FRMD4A: variants seen among roughly 807,000 people sequenced by gnomAD.
The protein encoded by FRMD4A is FERM domain-containing protein 4A.
In FRMD4A, 29 loss-of-function variants were observed where a neutral mutation model predicts 129.1. The ratio of observed to expected loss-of-function variants is 0.22; its 90% CI spans 0.17 to 0.31. The LOEUF (loss-of-function observed/expected upper bound fraction) is 0.31. Among genes scored for constraint, FRMD4A ranks in the 10% least tolerant of loss-of-function variants. The probability of loss-of-function intolerance (pLI) is 1.00; values close to 1 mark genes in which losing one functional copy is unlikely to be tolerated. For synonymous variants in FRMD4A, 634 were observed against 571.6 expected (o/e 1.11, Z -1.56); for missense variants, 1,272 against 1,375.8 (o/e 0.92, Z 1.19).
At chr10:14,062,293 C>T (rs958594377) in intron 2 of FRMD4A, among the ~76,000 whole-genome samples, 2 of 152,112 alleles carry the variant, frequency 1.3e-5, no homozygotes, top group African/African-American at 4.8e-5. Flanking sequence ...CAAAAGGGCA[C>T]ATACAGGTAG....
At chr10:14,306,317 G>A (rs780144718) in intron 2 of FRMD4A, among the ~76,000 whole-genome samples, 14 of 152,064 alleles carry the variant, frequency 9.2e-5, no homozygotes, top group Non-Finnish European at 1.6e-4. Context: ...AGGAAGGAAC[G>A]GTGAAACGCC....
chr10:14,125,940 G>C (rs1281644432), intron 2 of FRMD4A, among the ~76,000 whole-genome samples: 2 of 151,454 alleles, frequency 1.3e-5, no homozygotes, highest in East Asian at 3.9e-4. Context: ...GCAAACAAAA[G>C]GCTGAGATGA....
chr10:13,758,413 A>G (rs2091944141), intron 8 of FRMD4A, among the ~76,000 whole-genome samples: 1 of 152,250 alleles, frequency 6.6e-6, no homozygotes, highest in Admixed American at 6.5e-5. Context: ...TCAGGAAAAC[A>G]TATCTACAGT....
intron 2 of FRMD4A, among the ~76,000 whole-genome samples, chr10:14,267,841 C>T (rs1845030234): frequency 6.6e-6 from 1 of 152,140 alleles, no homozygotes; most frequent in South Asian, 2.1e-4. Context: ...ATCTAGATAC[C>T]TAATCACTCT....
In FRMD4A at chr10:13,816,236, AG is replaced by A. The variant is rs768423178; in HGVS notation, c.112-5329del. Among the ~76,000 whole-genome samples the A allele has an allele frequency of 7.0e-4, 107 of 152,362 alleles. 1 individual carries two copies. Among genetic ancestry groups the A allele is most frequent in the Middle Eastern group, 6.8e-3 (2 of 294 alleles). On this transcript the variant is annotated intron_variant, in intron 3 of 24. Coordinates refer to ENST00000357447, the MANE Select transcript of FRMD4A (RefSeq NM_018027.5). ...AAATGGAGAAGTAAAGGCCGTGAAG[AG>A]GGAGAAAATAGATCCCAGAAGATGT... is the stretch of plus-strand genomic sequence containing the variant.
At position 13,656,838 on chromosome 10, in the gene FRMD4A, C is replaced by T. The variant is rs775699436; in HGVS notation, c.2751G>A (p.Lys917=). 1 of 1,527,728 alleles carries T rather than the reference C, an allele frequency of 6.5e-7. No homozygotes were observed. Among genetic ancestry groups the T allele is most frequent in the Non-Finnish European group, 8.8e-7 (1 of 1,141,212 alleles). 94.6% of individuals were successfully genotyped at this position (1,527,728 alleles called of 1,614,324 possible). A position where few individuals can be genotyped will look rare whatever the true frequency, so the allele number is the denominator to read the frequency against. Residue 917 remains lysine (K), a synonymous_variant, in exon 22 of 25, where the codon AAG becomes AAA. Coordinates refer to ENST00000357447, the MANE Select transcript of FRMD4A (RefSeq NM_018027.5). ...PSLGREGAHD[K]GAGRAAVSDE... is the part of the protein sequence containing the mutation. ...CTGAGACGGCGGCACGGCCCGCGCC[C>T]TTGTCGTGGGCGCCCTCGCGGCCCA...
intron 3 of FRMD4A, among the ~76,000 whole-genome samples, chr10:13,831,203 C>T (rs1162867330): frequency 1.3e-5 from 2 of 152,160 alleles, no homozygotes; most frequent in African/African-American, 2.4e-5. Context: ...AGTTTTAGAC[C>T]AAACGCAATG....
intron 2 of FRMD4A, among the ~76,000 whole-genome samples, chr10:14,121,804 C>G (rs529795798): frequency 6.6e-6 from 1 of 152,176 alleles, no homozygotes; most frequent in African/African-American, 2.4e-5. Flanking sequence ...GGGGCCATTC[C>G]GGCTGGCTTT....
intron 2 of FRMD4A, among the ~76,000 whole-genome samples, chr10:14,313,197 A>G (rs1190333849): frequency 6.6e-6 from 1 of 151,872 alleles, no homozygotes; most frequent in Non-Finnish European, 1.5e-5. Flanking sequence ...TACCAAAAAA[A>G]AAAAATTTTT....
intron 2 of FRMD4A, among the ~76,000 whole-genome samples, chr10:14,039,272 A>G (rs1226021061): frequency 3.9e-5 from 6 of 152,174 alleles, no homozygotes; most frequent in African/African-American, 1.4e-4. Context: ...GGTAGATGCC[A>G]TATATACTAT....
At chr10:14,167,538 CAAAAAA>C (rs59290414) in intron 2 of FRMD4A, among the ~76,000 whole-genome samples, 18 of 57,574 alleles carry the variant, frequency 3.1e-4, no homozygotes, top group Admixed American at 7.9e-4. Flanking sequence ...CTCCGTCTCT[CAAAAAA>C]AAAAAAAAAA....
intron 2 of FRMD4A, among the ~76,000 whole-genome samples, chr10:14,069,699 T>C (rs565161617): frequency 6.6e-6 from 1 of 152,346 alleles, no homozygotes; most frequent in East Asian, 1.9e-4. Context: ...TACTTAATAA[T>C]ATGATTTACT....
At chr10:13,779,371 G>A (rs898001966) in intron 6 of FRMD4A, among the ~76,000 whole-genome samples, 2 of 151,572 alleles carry the variant, frequency 1.3e-5, no homozygotes, top group African/African-American at 4.8e-5. Flanking sequence ...TGACAACCAA[G>A]AGAAAATTCC....
At chr10:13,647,979 G>A (rs1408442734) in intron 24 of FRMD4A, 1 of 151,884 alleles carries the variant, frequency 6.6e-6, no homozygotes, top group Non-Finnish European at 1.5e-5. Flanking sequence ...ACCCAAAGTA[G>A]TTCAGAGCGG....
In FRMD4A at chr10:14,107,797, T is replaced by A. The variant is rs553016316; in HGVS notation, c.45+222261A>T. ...AGTTGCTCATTTCTTTTTAGAGTTA[T>A]GCGATATTCTTTCATGCGGCTGGAC... On this transcript the variant is annotated intron_variant, in intron 2 of 24. Coordinates refer to ENST00000357447, the MANE Select transcript of FRMD4A (RefSeq NM_018027.5). Among the ~76,000 whole-genome samples the A allele has an allele frequency of 3.3e-4, 50 of 152,334 alleles. No homozygotes were observed. The South Asian group carries it at 9.5e-3, about 29-fold the overall frequency.
At position 14,010,958 on chromosome 10, in the gene FRMD4A, T is replaced by C. The variant is rs181672689; in HGVS notation, c.46-152046A>G. On this transcript the variant is annotated intron_variant, in intron 2 of 24. Transcript: ENST00000357447. ...CATTGGCAGGCCATGTGCTGTGAGG[T>C]TATCAAAGGCTACTTCCATGGAGGA... 6.0e-4 allele frequency among the ~76,000 whole-genome samples: 91 copies of C among 152,298 alleles called. 1 individual carries two copies. The highest frequency in any genetic ancestry group is 2.0e-3 in the African/African-American group (83 of 41,568).
At chr10:13,689,216 GGGGGA>G (rs1343325484) in intron 15 of FRMD4A, among the ~76,000 whole-genome samples, 10 of 75,456 alleles carry the variant, frequency 1.3e-4, no homozygotes, top group East Asian at 1.2e-3. Flanking sequence ...GGGGGGGGGG[GGGGGA>G]GGGCTATAAC....
Position 13,956,893 on chromosome 10 carries a change from A to G in FRMD4A, c.46-97981T>C, listed in dbSNP as rs1376870214. On this transcript the variant is annotated intron_variant, in intron 2 of 24. Coordinates refer to ENST00000357447, the MANE Select transcript of FRMD4A (RefSeq NM_018027.5). ...AATCCTGGGAAGGGGGAAAGTGTAG[A>G]CGTTGAGCATTTTTGAAAACTGAGA... 2.6e-5 allele frequency among the ~76,000 whole-genome samples: 4 copies of G among 152,320 alleles called. No homozygotes were observed. In the East Asian group the frequency reaches 7.7e-4, roughly 29 times the overall value.
chr10:13,925,564 C>T (rs2103321), intron 2 of FRMD4A, among the ~76,000 whole-genome samples: 1 of 89,498 alleles, frequency 1.1e-5, no homozygotes, highest in Admixed American at 1.5e-4. Flanking sequence ...TGTAGTGAAA[C>T]GCTTTTTTTT....
Sources: gnomAD v4.1 joint callset for allele counts (sites outside exome capture counted in the v4.1 genomes callset) on GRCh38, gnomAD v4.1.1 for gene constraint, MANE v1.5 for transcripts, NCBI Gene and HGNC (gene_info 2026-07-23, HGNC 2026-07-21) for gene names.